SEMA5A: variants seen among roughly 807,000 people sequenced by gnomAD.
The protein encoded by SEMA5A is semaphorin 5A.
A neutral mutation model predicts 135.5 loss-of-function variants in SEMA5A; 55 were observed. The observed-to-expected ratio is 0.41, with a 90% CI of 0.33 to 0.51. The LOEUF is 0.51. Among genes scored for constraint, SEMA5A ranks in the 20% least tolerant of loss-of-function variants. SEMA5A has a pLI of 0.37. For missense variants in SEMA5A, 1,290 were observed against 1,419.9 expected (o/e 0.91, Z 1.47); for synonymous variants, 580 against 546.5 (o/e 1.06, Z -0.85).
intron 1 of SEMA5A, among the ~76,000 whole-genome samples, chr5:9,510,927 T>C (rs2126845172): frequency 6.6e-6 from 1 of 152,356 alleles, no homozygotes; most frequent in East Asian, 1.9e-4. Context: ...AACTGAACCA[T>C]GGTCCATTCG....
intron 21 of SEMA5A, 147 bp downstream of exon 21, chr5:9,050,263 G>A (rs1736492224): frequency 2.9e-6 from 2 of 696,348 alleles, no homozygotes; most frequent in Admixed American, 3.3e-5. Flanking sequence ...AAGCCTTTAT[G>A]CCAAGGTAGA....
intron 15 of SEMA5A, 80 bp from the exon 16 acceptor site, chr5:9,108,367 A>C: frequency 6.5e-7 from 1 of 1,533,608 alleles, no homozygotes; most frequent in Non-Finnish European, 9.0e-7. Context: ...CCATCCCTGC[A>C]CCAGATGTTG....
intron 11 of SEMA5A, among the ~76,000 whole-genome samples, chr5:9,177,176 A>C (rs538002566): frequency 6.6e-6 from 1 of 152,264 alleles, no homozygotes; most frequent in Admixed American, 6.5e-5. Context: ...ACAGTACTTA[A>C]ATTCTTCCTA....
Position 9,265,876 on chromosome 5 carries a change from C to G in SEMA5A, c.271-27986G>C, listed in dbSNP as rs1805940. On this transcript the variant is annotated intron_variant, in intron 5 of 22. Coordinates refer to ENST00000382496, the MANE Select transcript of SEMA5A (RefSeq NM_003966.3). ...AGCAGGCACACCGTGTTTTCATGTT[C>G]AGGGCCTGGCATCTGAAAAATGCTA... 1.0e-2 allele frequency among the ~76,000 whole-genome samples: 1,520 copies of G among 152,256 alleles called. 26 individuals carry two copies. The highest frequency in any genetic ancestry group is 0.035 in the African/African-American group (1,467 of 41,550).
rs527978056 is a variant in SEMA5A, at chr5:9,054,145, C to G, written c.2631G>C (p.Gly877=). 1.8e-5 allele frequency: 29 copies of G among 1,613,832 alleles called. No homozygotes were observed. The South Asian group carries it at 3.0e-4, about 17-fold the overall frequency. The change falls in exon 19 of 23, where the codon GGG becomes GGC. Residue 877 remains glycine, a synonymous_variant. Coordinates refer to ENST00000382496, the MANE Select transcript of SEMA5A (RefSeq NM_003966.3). The part of the protein sequence containing the change: ...SCSNPAPAYG[G]DICLGLHTEE... Reference sequence around the variant, plus strand: ...CTGTGTGCAGCCCCAGGCAGATGTCCCCTCCATAGGCCGGGGCTGGATTGG... The same window carrying G: ...CTGTGTGCAGCCCCAGGCAGATGTCGCCTCCATAGGCCGGGGCTGGATTGG...
chr5:9,171,389 C>T (rs1743913129), intron 11 of SEMA5A, among the ~76,000 whole-genome samples: 1 of 152,074 alleles, frequency 6.6e-6, no homozygotes, highest in African/African-American at 2.4e-5. Context: ...GCAGGAAAGG[C>T]CCAGTTGGCA....
intron 2 of SEMA5A, among the ~76,000 whole-genome samples, chr5:9,418,917 G>A (rs1757372253): frequency 6.6e-6 from 1 of 152,142 alleles, no homozygotes; most frequent in Admixed American, 6.5e-5. Context: ...AGGTTGATGT[G>A]TTCTTTCCTA....
intron 14 of SEMA5A, among the ~76,000 whole-genome samples, chr5:9,120,383 T>C (rs1004517627): frequency 6.6e-6 from 1 of 152,048 alleles, no homozygotes; most frequent in Non-Finnish European, 1.5e-5. Context: ...AATAAAAATT[T>C]TTCTGAGAAA....
intron 2 of SEMA5A, among the ~76,000 whole-genome samples, chr5:9,395,297 C>A (rs1307327526): frequency 6.6e-6 from 1 of 152,096 alleles, no homozygotes; most frequent in African/African-American, 2.4e-5. Context: ...AAGATATAAA[C>A]CTTCATAAAG....
intron 1 of SEMA5A, among the ~76,000 whole-genome samples, chr5:9,457,396 A>G (rs1197883406): frequency 6.6e-6 from 1 of 152,226 alleles, no homozygotes; most frequent in Non-Finnish European, 1.5e-5. Flanking sequence ...TCTGTAAAAG[A>G]GAGGTAACAG....
intron 1 of SEMA5A, among the ~76,000 whole-genome samples, chr5:9,526,804 C>T (rs1298417371): frequency 1.3e-5 from 2 of 152,176 alleles, no homozygotes; most frequent in African/African-American, 4.8e-5. Context: ...AACTCAAGAA[C>T]TGGGAAAGCT....
chr5:9,173,294 T>C (rs1744026729), intron 11 of SEMA5A, among the ~76,000 whole-genome samples: 1 of 151,642 alleles, frequency 6.6e-6, no homozygotes, highest in Admixed American at 6.6e-5. Flanking sequence ...TTTTTTTTTT[T>C]TTTTTTGGTC....
chr5:9,351,734 A>T (rs1295751669), intron 3 of SEMA5A, among the ~76,000 whole-genome samples: 1 of 152,214 alleles, frequency 6.6e-6, no homozygotes, highest in Non-Finnish European at 1.5e-5. Flanking sequence ...ATTGTGAAAT[A>T]CACCCACACA....
At chr5:9,362,246 C>T (rs774415554) in intron 3 of SEMA5A, among the ~76,000 whole-genome samples, 3 of 152,182 alleles carry the variant, frequency 2.0e-5, no homozygotes, top group African/African-American at 7.2e-5. Context: ...GCCCCAGCCC[C>T]CAGAGGCATT....
At chr5:9,094,454 T>G (rs1467778141) in intron 16 of SEMA5A, among the ~76,000 whole-genome samples, 1 of 152,204 alleles carries the variant, frequency 6.6e-6, no homozygotes, top group African/African-American at 2.4e-5. Flanking sequence ...TATTAGCAGT[T>G]GCAAGAAGAT....
chr5:9,381,942 T>TTGTGTGTGTGTGTG (rs148157627), intron 2 of SEMA5A, among the ~76,000 whole-genome samples: 5,684 of 108,812 alleles, frequency 0.052, 183 homozygotes, highest in Middle Eastern at 0.068. Context: ...TAGAATCATT[T>TTGTGTGTGTGTGTG]TGTGTGTGTG....
At chr5:9,336,747 T>G (rs566812565) in intron 4 of SEMA5A, among the ~76,000 whole-genome samples, 1 of 152,196 alleles carries the variant, frequency 6.6e-6, no homozygotes, top group Non-Finnish European at 1.5e-5. Flanking sequence ...AACTGTTCAA[T>G]GTTTATCTAG....
intron 21 of SEMA5A, among the ~76,000 whole-genome samples, chr5:9,048,259 G>T (rs929200326): frequency 6.6e-6 from 1 of 152,060 alleles, no homozygotes. Flanking sequence ...CGGTGCTTTG[G>T]GTTCAAAACT....
chr5:9,202,377 CCCGTG>C, intron 8 of SEMA5A, 137 bp from the exon 9 acceptor site: 15 of 654,716 alleles, frequency 2.3e-5, no homozygotes, highest in South Asian at 2.1e-4. Context: ...ATTGGGAGGC[CCCGTG>C]AGCAGCTTAA....
Sources: gnomAD v4.1 joint callset for allele counts (sites outside exome capture counted in the v4.1 genomes callset) on GRCh38, gnomAD v4.1.1 for gene constraint, MANE v1.5 for transcripts, NCBI Gene and HGNC (gene_info 2026-07-23, HGNC 2026-07-21) for gene names.